AK4: variants seen among roughly 807,000 people sequenced by gnomAD.
AK4 encodes the protein adenylate kinase 4, mitochondrial.
AK4 carries 13 observed loss-of-function variants against 24.6 expected under a neutral mutation model. That is an observed-to-expected ratio of 0.53 (90% CI 0.34 to 0.84). The LOEUF is 0.84. Ranked by LOEUF, AK4 falls within the 40% of genes least tolerant of loss-of-function variation. AK4 has a pLI of 0.01. For missense variants in AK4, 192 were observed against 288.2 expected (o/e 0.67, Z 2.42); for synonymous variants, 88 against 107.0 (o/e 0.82, Z 1.10).
chr1:65,154,817 C>G (rs1312452553), intron 1 of AK4, among the ~76,000 whole-genome samples: 1 of 151,860 alleles, frequency 6.6e-6, no homozygotes, highest in Non-Finnish European at 1.5e-5. Context: ...AGGAATGAAA[C>G]TACTGGCCAA....
chr1:65,173,825 T>C (rs1370975277), intron 1 of AK4, among the ~76,000 whole-genome samples: 1 of 151,402 alleles, frequency 6.6e-6, no homozygotes, highest in African/African-American at 2.4e-5. Context: ...ATTGTGCCAC[T>C]GTACTCCAGT....
intron 1 of AK4, 74 bp downstream of exon 1, chr1:65,148,626 T>G: frequency 6.9e-7 from 1 of 1,441,426 alleles, no homozygotes; most frequent in Non-Finnish European, 9.2e-7. Flanking sequence ...GGACTGGGGC[T>G]CCCGGATCAC....
chr1:65,224,223 A>AGT (rs1223608043), intron 3 of AK4, among the ~76,000 whole-genome samples: 1 of 152,180 alleles, frequency 6.6e-6, no homozygotes, highest in Non-Finnish European at 1.5e-5. Flanking sequence ...TATTTGATCT[A>AGT]GTAAAATAAC....
chr1:65,188,114 G>A (rs1651164370), intron 1 of AK4, among the ~76,000 whole-genome samples: 1 of 152,156 alleles, frequency 6.6e-6, no homozygotes, highest in African/African-American at 2.4e-5. Flanking sequence ...AAGTGGGGAG[G>A]CCAGGCATGG....
chr1:65,219,020 A>G (rs1380174964), intron 3 of AK4, 94 bp downstream of exon 3: 10 of 915,086 alleles, frequency 1.1e-5, no homozygotes, highest in Non-Finnish European at 1.5e-5. Context: ...AGACCATTCA[A>G]AAAAGAACAA....
In AK4 at chr1:65,226,430, A is replaced by C. The variant is rs1652464835; in HGVS notation, c.*253A>C. ...GTCTCAAGCCCATCACAAGAAAGCAAGTACAGTGTGGATTTCAAATGGTGT... is the reference window on the plus strand; with the variant it reads ...GTCTCAAGCCCATCACAAGAAAGCACGTACAGTGTGGATTTCAAATGGTGT... On this transcript the variant is annotated 3_prime_UTR_variant, in exon 5 of 5. Transcript: ENST00000327299. 7.9e-6 allele frequency: 3 copies of C among 380,588 alleles called. No individual in the cohort carries two copies. Among genetic ancestry groups the C allele is most frequent in the Non-Finnish European group, 1.4e-5 (3 of 210,462 alleles). 23.6% of individuals were successfully genotyped at this position (380,588 alleles called of 1,614,324 possible). A position where few individuals can be genotyped will look rare whatever the true frequency, so the allele number is the denominator to read the frequency against.
At chr1:65,152,425 C>T (rs1417945460) in intron 1 of AK4, among the ~76,000 whole-genome samples, 1 of 56,684 alleles carries the variant, frequency 1.8e-5, no homozygotes, top group East Asian at 5.2e-4. Flanking sequence ...TTTTTTGAGC[C>T]GGAGTCTCAC....
At chr1:65,206,914 AACTT>A (rs1253499798) in intron 2 of AK4, among the ~76,000 whole-genome samples, 2 of 152,228 alleles carry the variant, frequency 1.3e-5, no homozygotes, top group African/African-American at 4.8e-5. Context: ...ATTTTAGTAT[AACTT>A]ACTTAAGAAC....
intron 2 of AK4, among the ~76,000 whole-genome samples, chr1:65,199,480 C>T (rs1051404311): frequency 4.0e-5 from 6 of 151,496 alleles, no homozygotes; most frequent in East Asian, 3.9e-4. Context: ...ACCTGGGAGG[C>T]GGAGGTTGCA....
At chr1:65,160,426 ATTTTATT>A (rs1650121950) in intron 1 of AK4, among the ~76,000 whole-genome samples, 1 of 152,026 alleles carries the variant, frequency 6.6e-6, no homozygotes, top group Non-Finnish European at 1.5e-5. Flanking sequence ...AGCTTCTTTG[ATTTTATT>A]TTTTCTAATT....
At chr1:65,216,431 C>T (rs940677164) in intron 2 of AK4, among the ~76,000 whole-genome samples, 6 of 152,142 alleles carry the variant, frequency 3.9e-5, no homozygotes, top group South Asian at 2.1e-4. Flanking sequence ...GCCACTAATA[C>T]GACATTCTTT....
chr1:65,191,015 A>G lies in AK4; in HGVS notation c.265+186A>G, dbSNP rs574149707. Among the ~76,000 whole-genome samples the G allele has an allele frequency of 2.6e-5, 4 of 152,352 alleles. No individual in the cohort carries two copies. The South Asian group carries it at 8.3e-4, about 32-fold the overall frequency. The stretch of plus-strand genomic sequence containing the variant: ...GAAGCCTCTTATTTCTTCTGTCTCC[A>G]GATCACCATCATGAGAACCACTGAC... On this transcript the variant is annotated intron_variant, in intron 2 of 4. Transcript: ENST00000327299.
At chr1:65,219,258 G>C (rs1041604673) in intron 3 of AK4, among the ~76,000 whole-genome samples, 3 of 151,684 alleles carry the variant, frequency 2.0e-5, no homozygotes, top group Non-Finnish European at 4.4e-5. Flanking sequence ...GGTGGGATCT[G>C]GGGAAAATAA....
In AK4 at chr1:65,157,863, A is replaced by T. The variant is rs899017909; in HGVS notation, c.145+9311A>T. Among the ~76,000 whole-genome samples the T allele has an allele frequency of 2.0e-5, 3 of 152,192 alleles. No homozygotes were observed. The South Asian group carries it at 6.2e-4, about 32-fold the overall frequency. On this transcript the variant is annotated intron_variant, in intron 1 of 4. Coordinates refer to ENST00000327299, the MANE Select transcript of AK4 (RefSeq NM_013410.4). ...AGAGGCAGCTAACCCAGCATTTAGG[A>T]GGAGGTGAGATTTGGGAAGGCTTTT...
intron 1 of AK4, among the ~76,000 whole-genome samples, chr1:65,164,541 T>C (rs916726658): frequency 1.3e-5 from 2 of 152,206 alleles, no homozygotes; most frequent in Non-Finnish European, 2.9e-5. Flanking sequence ...TTTCATATGC[T>C]TACTGACCAT....
At chr1:65,150,929 T>G (rs1306253956) in intron 1 of AK4, among the ~76,000 whole-genome samples, 1 of 152,208 alleles carries the variant, frequency 6.6e-6, no homozygotes, top group African/African-American at 2.4e-5. Flanking sequence ...TCACCTGCTC[T>G]GGCAGAATTC....
intron 1 of AK4, among the ~76,000 whole-genome samples, chr1:65,187,321 G>C (rs1357059194): frequency 1.4e-5 from 2 of 143,360 alleles, no homozygotes; most frequent in African/African-American, 2.6e-5. Flanking sequence ...GCACTCCAGC[G>C]TGGGTGACAG....
At chr1:65,215,172 C>A (rs978511585) in intron 2 of AK4, among the ~76,000 whole-genome samples, 2 of 126,470 alleles carry the variant, frequency 1.6e-5, no homozygotes, top group Non-Finnish European at 3.4e-5. Context: ...TTCTTTCTTT[C>A]TTTCTTTTTT....
intron 2 of AK4, among the ~76,000 whole-genome samples, chr1:65,217,493 T>C (rs1652167577): frequency 6.6e-6 from 1 of 152,222 alleles, no homozygotes. Flanking sequence ...CCTGGTTCTT[T>C]AACTAGGATA....
Sources: allele counts gnomAD v4.1 joint callset (sites outside exome capture counted in the v4.1 genomes callset), GRCh38; gene constraint gnomAD v4.1.1; transcripts MANE v1.5; gene names NCBI Gene and HGNC (gene_info 2026-07-23, HGNC 2026-07-21).